The following NIBAN1 variants were observed in gnomAD, a reference collection of about 807,000 sequenced individuals.
The protein encoded by NIBAN1 is protein Niban 1.
NIBAN1 carries 81 observed loss-of-function variants against 75.1 expected under a neutral mutation model. That is an observed-to-expected ratio of 1.08 (90% CI 0.90 to 1.30). The LOEUF is 1.30. Ranked by LOEUF, NIBAN1 falls within the 50% of genes most tolerant of loss-of-function variation. NIBAN1 has a pLI of 0.00. For synonymous variants in NIBAN1, 436 were observed against 424.8 expected (o/e 1.03, Z -0.32); for missense variants, 1,133 against 1,128.1 (o/e 1.00, Z -0.06).
chr1:184,839,880 A>G (rs1655237841), intron 5 of NIBAN1, among the ~76,000 whole-genome samples: 1 of 152,142 alleles, frequency 6.6e-6, no homozygotes, highest in African/African-American at 2.4e-5. Context: ...TATAGGTGTG[A>G]GCCACCGAGC....
intron 1 of NIBAN1, among the ~76,000 whole-genome samples, 159 bp from the exon 2 acceptor site, chr1:184,899,468 T>C (rs964364448): frequency 5.9e-5 from 9 of 152,120 alleles, no homozygotes; most frequent in Non-Finnish European, 1.0e-4. Context: ...TATTTGCCAG[T>C]AGTCTGTCTT....
rs55898062 is a variant in NIBAN1 at position 184,811,513 on chromosome 1, G to GTTTTTTTTTTTT, written c.1174-3279_1174-3278insAAAAAAAAAAAA. Among the ~76,000 whole-genome samples the GTTTTTTTTTTTT allele has an allele frequency of 1.6e-3, 226 of 139,042 alleles. 1 individual carries two copies. Among genetic ancestry groups the GTTTTTTTTTTTT allele is most frequent in the African/African-American group, 5.7e-3 (214 of 37,314 alleles). 91.2% of individuals were successfully genotyped at this position (139,042 alleles called of 152,430 possible). The stretch of plus-strand genomic sequence containing the variant: ...AGGTACTTTCTTCCTTTTTTTTTTT[G>GTTTTTTTTTTTT]TTTTTTTTTTTGAGACGGAGTCTCA... On this transcript the variant is annotated intron_variant, in intron 9 of 13. Coordinates refer to ENST00000367511, the MANE Select transcript of NIBAN1 (RefSeq NM_052966.4).
At chr1:184,820,240 C>T (rs1214268239) in intron 8 of NIBAN1, among the ~76,000 whole-genome samples, 3 of 152,032 alleles carry the variant, frequency 2.0e-5, no homozygotes, top group African/African-American at 7.2e-5. Context: ...ATGGAAATTT[C>T]AGAACAATGC....
intron 1 of NIBAN1, among the ~76,000 whole-genome samples, chr1:184,911,722 G>A (rs1657246144): frequency 6.6e-6 from 1 of 152,284 alleles, no homozygotes; most frequent in African/African-American, 2.4e-5. Context: ...AAGCTTCTCT[G>A]GACCCTGCTC....
chr1:184,832,007 G>T, intron 5 of NIBAN1, 45 bp from the exon 6 acceptor site: 1 of 1,391,516 alleles, frequency 7.2e-7, no homozygotes. Flanking sequence ...AAACACTCTA[G>T]ATTTCCCCAT....
chr1:184,876,527 G>A (rs2102294377), intron 5 of NIBAN1, among the ~76,000 whole-genome samples: 1 of 151,850 alleles, frequency 6.6e-6, no homozygotes, highest in African/African-American at 2.4e-5. Flanking sequence ...GTGAAACTCT[G>A]TCTCTTCTAA....
chr1:184,911,301 A>C (rs1557911082), intron 1 of NIBAN1, among the ~76,000 whole-genome samples: 1 of 152,210 alleles, frequency 6.6e-6, no homozygotes, highest in African/African-American at 2.4e-5. Flanking sequence ...CAGCATGCCA[A>C]TGTGTTTCAC....
chr1:184,795,281 CT>C lies in NIBAN1; in HGVS notation c.2482del (p.Arg828GlufsTer19), dbSNP rs1452851178. The C allele has an allele frequency of 6.2e-7, 1 of 1,612,750 alleles. No individual in the cohort carries two copies. Among genetic ancestry groups the C allele is most frequent in the Non-Finnish European group, 8.5e-7 (1 of 1,180,050 alleles). ...CCCTTCCTCGGTACACTTGCCCCCT[CT>C]TCCTTCATGGGCAGTGAGTGTGCAG... ...EACTLTAHEG[R>X]GGKCTEEGDA... On this transcript the variant is annotated frameshift_variant, in exon 14 of 14. Coordinates refer to ENST00000367511, the MANE Select transcript of NIBAN1 (RefSeq NM_052966.4). LOFTEE classifies it low-confidence loss of function (END_TRUNC).
At chr1:184,866,529 G>A (rs1557892916) in intron 5 of NIBAN1, among the ~76,000 whole-genome samples, 1 of 152,160 alleles carries the variant, frequency 6.6e-6, no homozygotes, top group Non-Finnish European at 1.5e-5. Flanking sequence ...TAACCCAACT[G>A]TCAGCTCCCT....
At chr1:184,870,006 G>A (rs80316027) in intron 5 of NIBAN1, among the ~76,000 whole-genome samples, 263 of 152,280 alleles carry the variant, frequency 1.7e-3, no homozygotes, top group Admixed American at 5.0e-3. Flanking sequence ...AGGCAACAAC[G>A]ATTCTCTAAC....
chr1:184,818,594 C>T (rs1654603061), intron 9 of NIBAN1, 44 bp downstream of exon 9: 2 of 1,498,228 alleles, frequency 1.3e-6, no homozygotes, highest in Non-Finnish European at 1.8e-6. Context: ...GAAAACACAG[C>T]CAGGCAGACC....
chr1:184,823,404 C>G (rs1654757586), intron 7 of NIBAN1, 75 bp from the exon 8 acceptor site: 12 of 1,548,114 alleles, frequency 7.8e-6, no homozygotes, highest in East Asian at 2.3e-5. Flanking sequence ...GAGGGAGGAG[C>G]CTTCATCACA....
intron 1 of NIBAN1, among the ~76,000 whole-genome samples, chr1:184,971,487 T>G (rs1226004252): frequency 6.6e-6 from 1 of 151,794 alleles, no homozygotes; most frequent in South Asian, 2.1e-4. Context: ...CTGGCCCACA[T>G]GGTGAAACCC....
At chr1:184,922,368 TATTAATCA>T (rs1657578522) in intron 1 of NIBAN1, among the ~76,000 whole-genome samples, 1 of 152,156 alleles carries the variant, frequency 6.6e-6, no homozygotes, top group Non-Finnish European at 1.5e-5. Context: ...TTTTTTTACC[TATTAATCA>T]ACCCCCTTCA....
chr1:184,957,077 A>T (rs1658509026), intron 1 of NIBAN1, among the ~76,000 whole-genome samples: 1 of 152,230 alleles, frequency 6.6e-6, no homozygotes, highest in Non-Finnish European at 1.5e-5. Flanking sequence ...ACAACAACAC[A>T]AAAAGACTCC....
chr1:184,815,750 G>C (rs565074637), intron 9 of NIBAN1, among the ~76,000 whole-genome samples: 1 of 152,162 alleles, frequency 6.6e-6, no homozygotes, highest in South Asian at 2.1e-4. Context: ...TGGTACACAC[G>C]TTGCCTCATA....
intron 1 of NIBAN1, among the ~76,000 whole-genome samples, chr1:184,900,053 T>G (rs886698774): frequency 1.8e-4 from 27 of 152,126 alleles, no homozygotes; most frequent in Non-Finnish European, 3.8e-4. Context: ...CAACCTCAGA[T>G]GATCTGCCCG....
intron 1 of NIBAN1, among the ~76,000 whole-genome samples, chr1:184,957,048 A>G (rs1658507691): frequency 6.6e-6 from 1 of 152,244 alleles, no homozygotes; most frequent in Non-Finnish European, 1.5e-5. Flanking sequence ...TGTGCTGGTA[A>G]ACTGGGTCTC....
chr1:184,873,987 T>C (rs1656173463), intron 5 of NIBAN1, among the ~76,000 whole-genome samples: 1 of 152,068 alleles, frequency 6.6e-6, no homozygotes, highest in South Asian at 2.1e-4. Context: ...AAAGTTTAAG[T>C]CCACAACAAC....
Sources: gnomAD v4.1 joint callset for allele counts (sites outside exome capture counted in the v4.1 genomes callset) on GRCh38, gnomAD v4.1.1 for gene constraint, MANE v1.5 for transcripts, NCBI Gene and HGNC (gene_info 2026-07-23, HGNC 2026-07-21) for gene names.